The following ZNF713 variants were observed in gnomAD, a reference collection of about 807,000 sequenced individuals.
ZNF713 encodes zinc finger protein 713.
In ZNF713, 21 loss-of-function variants were observed where a neutral mutation model predicts 28.7. The ratio of observed to expected loss-of-function variants is 0.73; its 90% confidence interval spans 0.52 to 1.05. The LOEUF is 1.05. Ranked by LOEUF, ZNF713 falls within the 50% of genes least tolerant of loss-of-function variation. The pLI is 0.00. For synonymous variants in ZNF713, 167 were observed against 178.0 expected (o/e 0.94, Z 0.49); for missense variants, 458 against 532.4 (o/e 0.86, Z 1.37).
chr7:55,918,226 T>C lies in ZNF713; in HGVS notation c.88-4936T>C, dbSNP rs932766030. ...CCCAGACAGCCCATGGAGAAGCCCA[T>C]ATGGAGAGGAGCCAAGGCCCACAGC... On this transcript the variant is annotated intron_variant, in intron 4 of 6. Coordinates refer to ENST00000429591, the MANE Select transcript of ZNF713 (RefSeq NM_182633.3). 133 of 378,826 alleles carry C rather than the reference T, an allele frequency of 3.5e-4. 1 individual carries two copies. The highest frequency in any genetic ancestry group is 2.7e-3 in the African/African-American group (128 of 48,296). 23.5% of individuals were successfully genotyped at this position (378,826 alleles called of 1,614,324 possible). A position where few individuals can be genotyped will look rare whatever the true frequency, so the allele number is the denominator to read the frequency against.
intron 4 of ZNF713, among the ~76,000 whole-genome samples, chr7:55,919,490 G>GTTTTTTTTGTTTTTTTTTTGTTTTTTT (rs1785945405): frequency 1.5e-5 from 1 of 66,760 alleles, no homozygotes; most frequent in African/African-American, 5.0e-5. Flanking sequence ...AAACACTCCA[G>GTTTTTTTTGTTTTTTTTTTGTTTTTTT]TTTTTTTTTT....
chr7:55,893,621 C>G (rs1463537179), intron 1 of ZNF713, among the ~76,000 whole-genome samples: 2 of 152,080 alleles, frequency 1.3e-5, no homozygotes, highest in African/African-American at 4.8e-5. Context: ...TGCTGGTTGC[C>G]AAGGCTGGAG....
At chr7:55,890,218 G>C (rs1243308085) in intron 1 of ZNF713, among the ~76,000 whole-genome samples, 2 of 152,078 alleles carry the variant, frequency 1.3e-5, no homozygotes, top group Non-Finnish European at 2.9e-5. Context: ...GGAAGGCCGA[G>C]GCAGGTGGAT....
intron 6 of ZNF713, chr7:55,924,133 T>C (rs1786050134): frequency 6.5e-6 from 1 of 154,392 alleles, no homozygotes; most frequent in Admixed American, 6.4e-5. Context: ...TTAATCTATT[T>C]TTCATCTTTT....
At chr7:55,898,232 T>G (rs968929006) in intron 1 of ZNF713, among the ~76,000 whole-genome samples, 16 of 152,300 alleles carry the variant, frequency 1.1e-4, no homozygotes, top group African/African-American at 3.8e-4. Context: ...CAAATAGGGT[T>G]GCGTCAATCT....
At chr7:55,919,841 C>G (rs570725539) in intron 4 of ZNF713, among the ~76,000 whole-genome samples, 1 of 152,016 alleles carries the variant, frequency 6.6e-6, no homozygotes, top group East Asian at 1.9e-4. Flanking sequence ...TCTGTGTGTT[C>G]TCTCCTACTC....
intron 1 of ZNF713, among the ~76,000 whole-genome samples, chr7:55,888,200 AT>A (rs1785313965): frequency 6.6e-6 from 1 of 151,720 alleles, no homozygotes; most frequent in Non-Finnish European, 1.5e-5. Context: ...TTTTTAAAAT[AT>A]TTTCTTTTTC....
chr7:55,922,019 G>A (rs536668561), intron 4 of ZNF713, among the ~76,000 whole-genome samples: 2 of 152,122 alleles, frequency 1.3e-5, no homozygotes, highest in Admixed American at 1.3e-4. Context: ...TCCACCTCCC[G>A]GGTTCAAGCA....
rs371104493 is a variant in ZNF713, at chr7:55,891,975, C to G, written c.-583+4295C>G. Among the ~76,000 whole-genome samples, 20 of 152,086 alleles carry G rather than the reference C, an allele frequency of 1.3e-4. No homozygotes were observed. The South Asian group carries it at 4.2e-3, about 32-fold the overall frequency. On this transcript the variant is annotated intron_variant, in intron 1 of 6. Coordinates refer to ENST00000429591, the MANE Select transcript of ZNF713 (RefSeq NM_182633.3). ...GAATCTAAAGTGGGAAGTAGTAAAC[C>G]CTTGTTTATAAAAATCACAAGTGGC...
chr7:55,902,151 A>G (rs1785592135), intron 1 of ZNF713, among the ~76,000 whole-genome samples: 1 of 152,176 alleles, frequency 6.6e-6, no homozygotes, highest in Non-Finnish European at 1.5e-5. Context: ...AGGTTGCGCC[A>G]CTGCACTCCA....
intron 4 of ZNF713, among the ~76,000 whole-genome samples, chr7:55,922,051 G>T (rs1234269062): frequency 6.6e-6 from 1 of 152,080 alleles, no homozygotes; most frequent in African/African-American, 2.4e-5. Flanking sequence ...TCAGGCTCCT[G>T]AGTAGCTGGG....
At chr7:55,899,231 T>A (rs1785525911) in intron 1 of ZNF713, among the ~76,000 whole-genome samples, 1 of 151,698 alleles carries the variant, frequency 6.6e-6, no homozygotes, top group Non-Finnish European at 1.5e-5. Flanking sequence ...CGGGCACCTG[T>A]AGTCCCAGCT....
chr7:55,899,154 C>A (rs569711710), intron 1 of ZNF713, among the ~76,000 whole-genome samples: 1 of 150,048 alleles, frequency 6.7e-6, no homozygotes, highest in Non-Finnish European at 1.5e-5. Context: ...GAGATGGAGA[C>A]CATCCTGGCT....
At chr7:55,930,100 G>C (rs956698794) in intron 6 of ZNF713, among the ~76,000 whole-genome samples, 1 of 151,520 alleles carries the variant, frequency 6.6e-6, no homozygotes, top group Non-Finnish European at 1.5e-5. Flanking sequence ...TTGCTCTGTT[G>C]CCCAGGCTGG....
intron 4 of ZNF713, among the ~76,000 whole-genome samples, chr7:55,915,917 TGA>T (rs1785874879): frequency 1.3e-5 from 2 of 152,180 alleles, no homozygotes; most frequent in Admixed American, 1.3e-4. Context: ...ACTGAATTTG[TGA>T]GAGGCAGAGG....
chr7:55,906,905 C>A (rs1785689157), intron 2 of ZNF713, among the ~76,000 whole-genome samples: 1 of 152,082 alleles, frequency 6.6e-6, no homozygotes, highest in African/African-American at 2.4e-5. Context: ...AACCAGACAA[C>A]CTGAAGAGGA....
At chr7:55,901,253 TGA>T (rs746102557) in intron 1 of ZNF713, among the ~76,000 whole-genome samples, 33 of 148,318 alleles carry the variant, frequency 2.2e-4, no homozygotes, top group South Asian at 2.1e-4. Context: ...CAGCAGGCAG[TGA>T]GAGAGAGAGA....
intron 1 of ZNF713, among the ~76,000 whole-genome samples, chr7:55,905,879 G>A (rs567148139): frequency 3.5e-4 from 53 of 152,004 alleles, no homozygotes; most frequent in South Asian, 1.7e-3. Context: ...CGAGACGGGC[G>A]CATCACCACA....
intron 6 of ZNF713, among the ~76,000 whole-genome samples, chr7:55,927,896 CAAAAAAAAAAA>C (rs71533249): frequency 8.9e-5 from 4 of 44,938 alleles, no homozygotes; most frequent in Non-Finnish European, 1.1e-4. Flanking sequence ...GACTCTGTCT[CAAAAAAAAAAA>C]AAAAAAAAAA....
Sources: allele counts gnomAD v4.1 joint callset (sites outside exome capture counted in the v4.1 genomes callset), GRCh38; gene constraint gnomAD v4.1.1; transcripts MANE v1.5; gene names NCBI Gene and HGNC (gene_info 2026-07-23, HGNC 2026-07-21).